Variants in CSMD3 observed in about 807,000 individuals in gnomAD.
CSMD3 encodes CUB and Sushi multiple domains 3, also known as CUB and sushi domain-containing protein 3.
CSMD3 carries 177 observed loss-of-function variants against 435.2 expected under a neutral mutation model. That is an observed-to-expected ratio of 0.41 (90% CI 0.36 to 0.46). CSMD3 has a LOEUF of 0.46. CSMD3 is among the 20% of genes least tolerant of loss of function. CSMD3 has a pLI of 0.34. For synonymous variants in CSMD3, 1,656 were observed against 1,520.5 expected, an observed-to-expected ratio of 1.09 and a Z score of -2.07; for missense variants, 4,265 against 4,504.6, an observed-to-expected ratio of 0.95 and a Z score of 1.52.
intron 5 of CSMD3, among the ~76,000 whole-genome samples, chr8:113,034,996 T>G (rs2131260034): frequency 6.6e-6 from 1 of 151,948 alleles, no homozygotes; most frequent in East Asian, 1.9e-4. Context: ...ACCAGAACAT[T>G]AACAGCACAT....
chr8:112,780,146 C>T (rs147960541), intron 13 of CSMD3, among the ~76,000 whole-genome samples: 45 of 152,040 alleles, frequency 3.0e-4, no homozygotes, highest in African/African-American at 9.9e-4. Flanking sequence ...TATACAGTAA[C>T]GCAAATGTAT....
At chr8:112,922,033 C>A (rs2082759025) in intron 9 of CSMD3, among the ~76,000 whole-genome samples, 1 of 151,950 alleles carries the variant, frequency 6.6e-6, no homozygotes, top group Non-Finnish European at 1.5e-5. Flanking sequence ...GACTTGAATT[C>A]CAGTACAGTG....
At chr8:113,011,683 G>A (rs2086261334) in intron 6 of CSMD3, among the ~76,000 whole-genome samples, 1 of 151,580 alleles carries the variant, frequency 6.6e-6, no homozygotes, top group Non-Finnish European at 1.5e-5. Flanking sequence ...TATAAAATAG[G>A]AAAAATATAA....
chr8:113,335,769 C>T (rs902553061), intron 1 of CSMD3, among the ~76,000 whole-genome samples: 3 of 151,174 alleles, frequency 2.0e-5, no homozygotes, highest in Admixed American at 6.6e-5. Flanking sequence ...TAATTACATC[C>T]TGTTGGTCAA....
intron 13 of CSMD3, among the ~76,000 whole-genome samples, chr8:112,704,891 C>T (rs1369484720): frequency 6.6e-6 from 1 of 151,968 alleles, no homozygotes; most frequent in Non-Finnish European, 1.5e-5. Flanking sequence ...TAATAGTTCC[C>T]CAGCTTATAA....
intron 27 of CSMD3, among the ~76,000 whole-genome samples, chr8:112,544,556 T>G (rs1195645845): frequency 6.6e-6 from 1 of 152,216 alleles, no homozygotes; most frequent in African/African-American, 2.4e-5. Context: ...TTATCACTTA[T>G]CTAAATAAGT....
intron 10 of CSMD3, among the ~76,000 whole-genome samples, chr8:112,878,769 G>A (rs1373832555): frequency 2.0e-5 from 3 of 151,894 alleles, no homozygotes; most frequent in Admixed American, 2.0e-4. Context: ...TTTGCTGGGT[G>A]TTGCAGGAAG....
intron 1 of CSMD3, among the ~76,000 whole-genome samples, chr8:113,412,902 C>A (rs1464361117): frequency 1.3e-5 from 2 of 152,006 alleles, no homozygotes; most frequent in Non-Finnish European, 2.9e-5. Context: ...GGTTATCTCC[C>A]AAATACACAC....
chr8:112,352,215 G>T (rs1826192717), intron 39 of CSMD3, among the ~76,000 whole-genome samples: 1 of 151,996 alleles, frequency 6.6e-6, no homozygotes, highest in Non-Finnish European at 1.5e-5. Context: ...AATCAGTTTT[G>T]TTTACTTCCA....
At chr8:113,310,762 A>T (rs2093861660) in intron 2 of CSMD3, 1 of 151,888 alleles carries the variant, frequency 6.6e-6, no homozygotes, top group Non-Finnish European at 1.5e-5. Flanking sequence ...TGACCTAGAC[A>T]TCCTGTTTCT....
chr8:112,982,140 G>A (rs2085075088), intron 6 of CSMD3, among the ~76,000 whole-genome samples: 1 of 151,776 alleles, frequency 6.6e-6, no homozygotes, highest in South Asian at 2.1e-4. Context: ...AATTTTTCAT[G>A]CGTTTTGGAG....
chr8:112,361,712 C>A (rs1827258828), intron 38 of CSMD3, among the ~76,000 whole-genome samples: 1 of 149,572 alleles, frequency 6.7e-6, no homozygotes, highest in Non-Finnish European at 1.5e-5. Flanking sequence ...TGCTAAGACA[C>A]CCAGTAACAT....
chr8:112,903,488 G>A (rs1194423162), intron 10 of CSMD3, among the ~76,000 whole-genome samples: 5 of 151,168 alleles, frequency 3.3e-5, no homozygotes, highest in East Asian at 2.0e-4. Flanking sequence ...GGTGGCGAAG[G>A]GGGATCAACA....
chr8:113,107,960 A>G (rs957665962), intron 4 of CSMD3, among the ~76,000 whole-genome samples: 9 of 152,232 alleles, frequency 5.9e-5, no homozygotes, highest in Admixed American at 2.6e-4. Flanking sequence ...ATAAATGAAT[A>G]TAAGTATTTA....
At chr8:112,562,707 GA>G (rs1350291846) in intron 24 of CSMD3, among the ~76,000 whole-genome samples, 1 of 151,398 alleles carries the variant, frequency 6.6e-6, no homozygotes, top group Admixed American at 6.6e-5. Context: ...TAATTTGGGG[GA>G]ACTATATTTA....
At chr8:113,154,932 T>C (rs1482228788) in intron 4 of CSMD3, among the ~76,000 whole-genome samples, 1 of 152,070 alleles carries the variant, frequency 6.6e-6, no homozygotes, top group Non-Finnish European at 1.5e-5. Flanking sequence ...TGTGTCCTAA[T>C]GATCAGGACA....
chr8:113,007,878 G>A (rs534754895), intron 6 of CSMD3, among the ~76,000 whole-genome samples: 5 of 151,928 alleles, frequency 3.3e-5, no homozygotes, highest in East Asian at 3.9e-4. Context: ...TGGGGAAAAC[G>A]TAATATAATG....
chr8:112,345,046 C>T (rs538449780), intron 41 of CSMD3, among the ~76,000 whole-genome samples: 178 of 152,178 alleles, frequency 1.2e-3, no homozygotes, highest in African/African-American at 4.2e-3. Context: ...TATATCCATA[C>T]ATAGCGACTG....
chr8:112,596,423 T>G (rs1478578675), intron 22 of CSMD3, among the ~76,000 whole-genome samples: 1 of 152,032 alleles, frequency 6.6e-6, no homozygotes, highest in Non-Finnish European at 1.5e-5. Context: ...AATGGGAGAC[T>G]TTAACACCCC....
Sources: allele counts gnomAD v4.1 joint callset (sites outside exome capture counted in the v4.1 genomes callset), GRCh38; gene constraint gnomAD v4.1.1; transcripts MANE v1.5; gene names NCBI Gene and HGNC (gene_info 2026-07-23, HGNC 2026-07-21).